FOXN1: variants seen among roughly 807,000 people sequenced by gnomAD.
FOXN1 encodes the protein forkhead box protein N1.
In FOXN1, 15 loss-of-function variants were observed where a neutral mutation model predicts 49.0. The observed-to-expected ratio is 0.31, with a 90% CI of 0.20 to 0.47. The LOEUF is 0.47. FOXN1 is among the 20% of genes least tolerant of loss of function. The pLI, the probability that FOXN1 is intolerant of heterozygous loss-of-function variation, is 1.00. For synonymous variants in FOXN1, 356 were observed against 369.0 expected, an observed-to-expected ratio of 0.96 and a Z score of 0.40; for missense variants, 800 against 842.8, an observed-to-expected ratio of 0.95 and a Z score of 0.63.
chr17:28,527,838 C>G (rs2069809123), intron 4 of FOXN1, among the ~76,000 whole-genome samples: 1 of 152,208 alleles, frequency 6.6e-6, no homozygotes, highest in Non-Finnish European at 1.5e-5. Flanking sequence ...CTTAGGGGAC[C>G]TTCCCACCCA....
intron 1 of FOXN1, among the ~76,000 whole-genome samples, chr17:28,509,549 G>A (rs868968953): frequency 6.6e-6 from 1 of 152,190 alleles, no homozygotes; most frequent in Non-Finnish European, 1.5e-5. Context: ...GAGCATTGAG[G>A]AAAAGCCCAG....
intron 1 of FOXN1, among the ~76,000 whole-genome samples, chr17:28,507,931 G>T (rs946029160): frequency 2.0e-5 from 3 of 152,220 alleles, no homozygotes; most frequent in Non-Finnish European, 2.9e-5. Context: ...GAGAGGGGCA[G>T]ACGGGGTGAG....
intron 1 of FOXN1, among the ~76,000 whole-genome samples, chr17:28,520,576 TC>T (rs1324118989): frequency 6.6e-6 from 1 of 152,092 alleles, no homozygotes; most frequent in Non-Finnish European, 1.5e-5. Flanking sequence ...TCTCATCCTG[TC>T]CCCGGGGGAT....
chr17:28,523,125 A>G (rs1284129158), intron 1 of FOXN1, among the ~76,000 whole-genome samples: 1 of 152,212 alleles, frequency 6.6e-6, no homozygotes, highest in Non-Finnish European at 1.5e-5. Flanking sequence ...GGGTTCCCCT[A>G]TGATTGCAGA....
rs1324342363 is a variant in FOXN1, at chr17:28,529,019, T to C, written c.700-75T>C. On this transcript the variant is annotated intron_variant, in intron 4 of 8. Coordinates refer to ENST00000579795, the MANE Select transcript of FOXN1 (RefSeq NM_001369369.1). ...GGCCTGAGCCCCTTCTCTGGATGTA[T>C]ATAAATGGGGAGGAGGGCCCTCCTG... 4 of 1,590,508 alleles carry C rather than the reference T, an allele frequency of 2.5e-6. No individual in the cohort carries two copies. In the South Asian group the frequency reaches 3.3e-5, roughly 13 times the overall value.
chr17:28,506,962 A>T (rs2069274585), intron 1 of FOXN1, among the ~76,000 whole-genome samples: 2 of 152,322 alleles, frequency 1.3e-5, no homozygotes, highest in East Asian at 3.9e-4. Context: ...GCCTGGGCCC[A>T]TGCAGAGGCC....
chr17:28,523,026 A>G (rs748105032), intron 1 of FOXN1, among the ~76,000 whole-genome samples: 105 of 152,230 alleles, frequency 6.9e-4, no homozygotes, highest in Non-Finnish European at 1.3e-3. Context: ...GCTGAAGTTC[A>G]GAGAGCTTTG....
intron 1 of FOXN1, among the ~76,000 whole-genome samples, chr17:28,510,487 T>A (rs2069366725): frequency 6.7e-6 from 1 of 149,500 alleles, no homozygotes; most frequent in Non-Finnish European, 1.5e-5. Flanking sequence ...CACTTGTAAA[T>A]TCCATAGCCA....
At chr17:28,511,948 A>G (rs1292660478) in intron 1 of FOXN1, among the ~76,000 whole-genome samples, 1 of 152,192 alleles carries the variant, frequency 6.6e-6, no homozygotes, top group African/African-American at 2.4e-5. Context: ...CCACAGCCCA[A>G]CAACTCCAAA....
chr17:28,523,891 G>T, intron 1 of FOXN1, 65 bp from the exon 2 acceptor site: 1 of 1,563,328 alleles, frequency 6.4e-7, no homozygotes, highest in Non-Finnish European at 8.8e-7. Context: ...GGTGGAGGTG[G>T]CGAACCTGGG....
intron 1 of FOXN1, among the ~76,000 whole-genome samples, chr17:28,517,172 C>A (rs545572534): frequency 0.014 from 1,871 of 138,428 alleles, 110 homozygotes; most frequent in African/African-American, 0.048. Flanking sequence ...TCCACACCTC[C>A]ACAGGGTACA....
In FOXN1 at chr17:28,537,568, G is replaced by A. The variant is rs2070103325; in HGVS notation, c.*132G>A. 3 of 741,864 alleles carry A rather than the reference G, an allele frequency of 4.0e-6. No homozygotes were observed. The highest frequency in any genetic ancestry group is 3.0e-5 in the South Asian group (2 of 67,376). The allele number at this position is 741,864 out of a possible 1,614,324, so 46.0% of individuals were successfully genotyped here. On this transcript the variant is annotated 3_prime_UTR_variant, in exon 9 of 9. Transcript: ENST00000579795. The stretch of plus-strand genomic sequence containing the variant: ...CCCCTATGCCACTAAGCCAACGTGT[G>A]TGTCAGCTGGTAGCTGGGGGCGCAG...
At chr17:28,524,436 G>T in intron 2 of FOXN1, 67 bp from the exon 3 acceptor site, 1 of 1,370,104 alleles carries the variant, frequency 7.3e-7, no homozygotes, top group Non-Finnish European at 1.0e-6. Context: ...AACAGAGTAG[G>T]GTCCCAGCCA....
chr17:28,514,963 T>A (rs1353134677), intron 1 of FOXN1, among the ~76,000 whole-genome samples: 1 of 152,134 alleles, frequency 6.6e-6, no homozygotes, highest in Non-Finnish European at 1.5e-5. Context: ...TGGTTCAGCA[T>A]GCTGGCTTTG....
chr17:28,513,675 C>T (rs868110231), intron 1 of FOXN1, among the ~76,000 whole-genome samples: 19 of 152,330 alleles, frequency 1.2e-4, no homozygotes, highest in African/African-American at 1.9e-4. Flanking sequence ...GGCAGGGGGC[C>T]GGTCCAGGCA....
chr17:28,537,505 G>A lies in FOXN1; in HGVS notation c.*69G>A. On this transcript the variant is annotated 3_prime_UTR_variant, in exon 9 of 9. Coordinates refer to ENST00000579795, the MANE Select transcript of FOXN1 (RefSeq NM_001369369.1). Reference sequence around the variant, plus strand: ...AGTCCTGGCCGGCCGCCCACATCGGGCTCACCTTAAAGGTCAAGGAAGGAA... The same window carrying A: ...AGTCCTGGCCGGCCGCCCACATCGGACTCACCTTAAAGGTCAAGGAAGGAA... The A allele has an allele frequency of 7.9e-7, 1 of 1,272,126 alleles. No individual in the cohort carries two copies. The highest frequency in any genetic ancestry group is 1.2e-5 in the South Asian group (1 of 83,042). The allele number at this position is 1,272,126 out of a possible 1,614,324, so 78.8% of individuals were successfully genotyped here. A position where few individuals can be genotyped will look rare whatever the true frequency, so the allele number is the denominator to read the frequency against.
intron 1 of FOXN1, among the ~76,000 whole-genome samples, chr17:28,512,578 G>T (rs2069415716): frequency 6.6e-6 from 1 of 152,218 alleles, no homozygotes; most frequent in South Asian, 2.1e-4. Flanking sequence ...AGACCAGCCT[G>T]GGCAACAAAG....
At chr17:28,533,485 A>ACCCC (rs3837849) in intron 6 of FOXN1, among the ~76,000 whole-genome samples, 5,637 of 124,768 alleles carry the variant, frequency 0.045, 369 homozygotes, top group Admixed American at 0.076. Context: ...TGGCACGAGC[A>ACCCC]CCCCCCCCCA....
At chr17:28,521,113 C>A (rs891219991) in intron 1 of FOXN1, among the ~76,000 whole-genome samples, 2 of 152,192 alleles carry the variant, frequency 1.3e-5, no homozygotes, top group South Asian at 4.1e-4. Context: ...GATGACCCTG[C>A]GAGGTGGGTC....
Sources: allele counts gnomAD v4.1 joint callset (sites outside exome capture counted in the v4.1 genomes callset), GRCh38; gene constraint gnomAD v4.1.1; transcripts MANE v1.5; gene names NCBI Gene and HGNC (gene_info 2026-07-23, HGNC 2026-07-21).